The following ATP5MC2 variants were observed in gnomAD, a reference collection of about 807,000 sequenced individuals.
The protein encoded by ATP5MC2 is ATP synthase F(0) complex subunit C2, mitochondrial.
ATP5MC2 carries 11 observed loss-of-function variants against 13.5 expected under a neutral mutation model. The observed-to-expected ratio is 0.81, with a 90% CI of 0.51 to 1.35. ATP5MC2 has a LOEUF of 1.35. Ranked by LOEUF, ATP5MC2 falls within the 40% of genes most tolerant of loss-of-function variation. ATP5MC2 has a pLI of 0.00. For synonymous variants in ATP5MC2, 64 were observed against 69.7 expected (o/e 0.92, Z 0.41); for missense variants, 132 against 175.0 (o/e 0.75, Z 1.39).
At chr12:53,671,777 A>G (rs549449812) in intron 2 of ATP5MC2, among the ~76,000 whole-genome samples, 65 of 152,274 alleles carry the variant, frequency 4.3e-4, no homozygotes, top group African/African-American at 1.4e-3. Flanking sequence ...CATGCCTATA[A>G]TATCAGCAAT....
intron 4 of ATP5MC2, 126 bp downstream of exon 4, chr12:53,669,022 A>C: frequency 7.5e-7 from 1 of 1,335,590 alleles, no homozygotes; most frequent in Non-Finnish European, 9.8e-7. Context: ...TCTCAAAACA[A>C]ACAAACAAAC....
upstream of ATP5MC2, among the ~76,000 whole-genome samples, chr12:53,679,302 A>C (rs1333662121): frequency 6.6e-6 from 1 of 151,450 alleles, no homozygotes; most frequent in African/African-American, 2.4e-5. Context: ...AGAAATGCGA[A>C]GAAAAAATAT....
At chr12:53,676,257 A>C, upstream of ATP5MC2, 1 of 1,575,142 alleles carries the variant, frequency 6.3e-7, no homozygotes, top group Non-Finnish European at 8.6e-7. Flanking sequence ...GTTCGAGAGG[A>C]GAAACTACAG....
intron 1 of ATP5MC2, 98 bp downstream of exon 1, chr12:53,675,955 G>A (rs1172626882): frequency 1.3e-6 from 2 of 1,501,486 alleles, no homozygotes; most frequent in Non-Finnish European, 1.8e-6. Flanking sequence ...GGACCAGGGT[G>A]GGAGCACGCA....
Position 53,667,910 on chromosome 12 carries a change from A to G in ATP5MC2, c.311+1238T>C, listed in dbSNP as rs546197911. Among the ~76,000 whole-genome samples the G allele has an allele frequency of 3.4e-5, 5 of 145,126 alleles. No individual in the cohort carries two copies. In the East Asian group the frequency reaches 1.0e-3, roughly 30 times the overall value. On this transcript the variant is annotated intron_variant, in intron 4 of 4. Transcript: ENST00000394349. ...AAAGCTGTTCATGAAACTTTCTTCA[A>G]TGACACAATGATATAAACATTCTAA...
chr12:53,669,101 T>C, intron 4 of ATP5MC2, 47 bp downstream of exon 4: 1 of 1,552,438 alleles, frequency 6.4e-7, no homozygotes, highest in Non-Finnish European at 8.7e-7. Context: ...TTTTCTGACC[T>C]TTGGAAAGCA....
intron 2 of ATP5MC2, 40 bp from the exon 3 acceptor site, chr12:53,669,988 G>A: frequency 6.3e-7 from 1 of 1,590,584 alleles, no homozygotes; most frequent in Non-Finnish European, 8.6e-7. Flanking sequence ...GGTCAAGGAA[G>A]ACTGGAGAGG....
chr12:53,669,944 T>C lies in ATP5MC2; in HGVS notation c.44A>G (p.Lys15Arg). ...ACGGCTCAGCAGCTGTGAGGTGCTC[T>C]TGACCTAGCAGGAATGACATACAGG... ...SKFVSTPSLV[K>R]STSQLLSRPL... Residue 15 changes from lysine to arginine, a missense_variant, in exon 3 of 5, where the codon AAG becomes AGG. Physicochemically the swap from Lys to Arg is conservative, Grantham distance 26. Coordinates refer to ENST00000394349, the MANE Select transcript of ATP5MC2 (RefSeq NM_005176.7). 6.2e-7 allele frequency: 1 copy of C among 1,613,984 alleles called. No homozygotes were observed. Among genetic ancestry groups the C allele is most frequent in the Non-Finnish European group, 8.5e-7 (1 of 1,179,912 alleles).
At chr12:53,679,965 C>T (rs1945332750), upstream of ATP5MC2, among the ~76,000 whole-genome samples, 1 of 152,092 alleles carries the variant, frequency 6.6e-6, no homozygotes, top group African/African-American at 2.4e-5. Context: ...CTTCACCTTC[C>T]TTTGAATTTG....
At chr12:53,675,829 T>C (rs1341515056) in intron 1 of ATP5MC2, among the ~76,000 whole-genome samples, 2 of 152,080 alleles carry the variant, frequency 1.3e-5, no homozygotes, top group African/African-American at 2.4e-5. Flanking sequence ...AGCTCCAAGG[T>C]ATCCTCCCCC....
chr12:53,676,406 A>C (rs1945279819), upstream of ATP5MC2: 2 of 618,268 alleles, frequency 3.2e-6, no homozygotes, highest in Non-Finnish European at 5.5e-6. Context: ...ACACTGCCAA[A>C]ACAAAACTCC....
upstream of ATP5MC2, chr12:53,677,079 T>C (rs1338829240): frequency 1.3e-5 from 2 of 151,716 alleles, no homozygotes; most frequent in South Asian, 2.1e-4. Context: ...CCAAACCCCA[T>C]AAAAAATAAA....
At chr12:53,676,155 G>A (rs1263506280), upstream of ATP5MC2, 5 of 1,614,150 alleles carry the variant, frequency 3.1e-6, no homozygotes, top group African/African-American at 1.3e-5. Context: ...CTCAGCCACG[G>A]ATAGAGTGAT....
At chr12:53,669,978 G>T in intron 2 of ATP5MC2, 30 bp from the exon 3 acceptor site, 1 of 1,607,922 alleles carries the variant, frequency 6.2e-7, no homozygotes, top group Non-Finnish European at 8.5e-7. Flanking sequence ...GGGGCAGGAA[G>T]GTCAAGGAAG....
At chr12:53,676,327 C>A (rs545537617), upstream of ATP5MC2, 54 of 1,383,550 alleles carry the variant, frequency 3.9e-5, 1 homozygote, top group Non-Finnish European at 5.1e-5. Context: ...GTAACGTGGA[C>A]TGCGGTTTGG....
upstream of ATP5MC2, among the ~76,000 whole-genome samples, chr12:53,681,397 G>A (rs967461878): frequency 2.0e-5 from 3 of 150,828 alleles, no homozygotes; most frequent in African/African-American, 4.9e-5. Flanking sequence ...ATGGTGGTGG[G>A]CACCTGTAAT....
chr12:53,670,454 C>T (rs983761046), intron 2 of ATP5MC2, among the ~76,000 whole-genome samples: 2 of 152,174 alleles, frequency 1.3e-5, no homozygotes, highest in South Asian at 2.1e-4. Context: ...GGTGAAATCA[C>T]CTAGCAACAC....
At chr12:53,665,491 T>G in intron 4 of ATP5MC2, 63 bp from the exon 5 acceptor site, 3 of 1,306,786 alleles carry the variant, frequency 2.3e-6, no homozygotes, top group Non-Finnish European at 3.3e-6. Context: ...GATAAATATC[T>G]AAGATGGGCT....
chr12:53,679,316 T>G (rs1945328955), upstream of ATP5MC2, among the ~76,000 whole-genome samples: 1 of 147,470 alleles, frequency 6.8e-6, no homozygotes, highest in Admixed American at 6.7e-5. Flanking sequence ...AAAATATTGC[T>G]AGAGAGAAGA....
Sources: gnomAD v4.1 joint callset for allele counts (sites outside exome capture counted in the v4.1 genomes callset) on GRCh38, gnomAD v4.1.1 for gene constraint, MANE v1.5 for transcripts, NCBI Gene and HGNC (gene_info 2026-07-23, HGNC 2026-07-21) for gene names.